Variants in ARHGAP15 observed in about 807,000 individuals in gnomAD.
The protein encoded by ARHGAP15 is Rho GTPase activating protein 15.
A neutral mutation model predicts 63.7 loss-of-function variants in ARHGAP15; 51 were observed. The observed-to-expected ratio is 0.80, with a 90% confidence interval of 0.64 to 1.01. The LOEUF is 1.01. Among genes scored for constraint, ARHGAP15 ranks in the 50% least tolerant of loss-of-function variants. The probability of loss-of-function intolerance (pLI) is 0.00; values close to 1 mark genes in which losing one functional copy is unlikely to be tolerated. For missense variants in ARHGAP15, 560 were observed against 564.6 expected (o/e 0.99, Z 0.08); for synonymous variants, 191 against 193.8 (o/e 0.99, Z 0.12).
At chr2:143,378,230 G>C (rs1686899611) in intron 6 of ARHGAP15, among the ~76,000 whole-genome samples, 1 of 151,964 alleles carries the variant, frequency 6.6e-6, no homozygotes, top group Non-Finnish European at 1.5e-5. Context: ...CAATTTCTAA[G>C]ATCTTTTAGA....
intron 6 of ARHGAP15, among the ~76,000 whole-genome samples, chr2:143,261,915 A>G (rs535614788): frequency 6.6e-6 from 1 of 152,242 alleles, no homozygotes; most frequent in South Asian, 2.1e-4. Context: ...AAGGATAGAC[A>G]AGATGAAGCA....
chr2:143,293,451 A>G (rs1418736867), intron 6 of ARHGAP15, among the ~76,000 whole-genome samples: 2 of 152,142 alleles, frequency 1.3e-5, no homozygotes, highest in South Asian at 2.1e-4. Flanking sequence ...ATTTAGACAC[A>G]TGGTCTGCAC....
At chr2:143,146,899 C>G (rs1689614364) in intron 1 of ARHGAP15, among the ~76,000 whole-genome samples, 1 of 151,984 alleles carries the variant, frequency 6.6e-6, no homozygotes, top group Admixed American at 6.6e-5. Context: ...CAAATGTCAA[C>G]CATATCTGAC....
At chr2:143,730,321 G>A (rs1199718140) in intron 13 of ARHGAP15, among the ~76,000 whole-genome samples, 2 of 152,200 alleles carry the variant, frequency 1.3e-5, no homozygotes, top group Admixed American at 1.3e-4. Context: ...GACACACACT[G>A]TAATCGTATG....
chr2:143,233,178 G>A (rs555200561), intron 5 of ARHGAP15, among the ~76,000 whole-genome samples: 2 of 151,562 alleles, frequency 1.3e-5, no homozygotes, highest in Non-Finnish European at 2.9e-5. Context: ...CCTAATATTT[G>A]CCACATTCTT....
At position 143,155,332 on chromosome 2, in the gene ARHGAP15, C is replaced by G. The variant is rs573591384; in HGVS notation, c.-14-145C>G. On this transcript the variant is annotated intron_variant, in intron 1 of 13. Transcript: ENST00000295095. ...ACTGACAAAATAACTTACAAAGGAA[C>G]TACTTTTTTCTTCACTAGTCAGAGA... 71 of 699,364 alleles carry G rather than the reference C, an allele frequency of 1.0e-4. No individual in the cohort carries two copies. In the Admixed American group the frequency reaches 1.9e-3, roughly 19 times the overall value. 43.3% of individuals were successfully genotyped at this position (699,364 alleles called of 1,614,324 possible).
chr2:143,191,948 G>A (rs776555897), intron 2 of ARHGAP15, among the ~76,000 whole-genome samples: 8 of 152,164 alleles, frequency 5.3e-5, no homozygotes, highest in Middle Eastern at 3.4e-3. Context: ...CTTATAAACC[G>A]TATGTTCTTA....
intron 8 of ARHGAP15, among the ~76,000 whole-genome samples, chr2:143,466,612 G>A (rs749594997): frequency 6.6e-6 from 1 of 152,098 alleles, no homozygotes; most frequent in Non-Finnish European, 1.5e-5. Flanking sequence ...GTAATTGAGA[G>A]GAGCTATTCT....
At chr2:143,359,268 G>T (rs1029796845) in intron 6 of ARHGAP15, among the ~76,000 whole-genome samples, 4 of 152,084 alleles carry the variant, frequency 2.6e-5, no homozygotes, top group African/African-American at 9.7e-5. Context: ...TTGACTTTGA[G>T]GGAATTTCTT....
chr2:143,377,559 AT>A (rs889614275), intron 6 of ARHGAP15, among the ~76,000 whole-genome samples: 6 of 151,214 alleles, frequency 4.0e-5, no homozygotes, highest in South Asian at 2.1e-4. Context: ...TTTGTTTCCT[AT>A]TTTTTTTCAC....
At chr2:143,751,028 C>T (rs562267804) in intron 13 of ARHGAP15, among the ~76,000 whole-genome samples, 43 of 152,326 alleles carry the variant, frequency 2.8e-4, no homozygotes, top group African/African-American at 9.1e-4. Context: ...TCTATTGGAA[C>T]TTCTCTGACT....
chr2:143,327,470 G>A (rs1429357454), intron 6 of ARHGAP15, among the ~76,000 whole-genome samples: 1 of 152,116 alleles, frequency 6.6e-6, no homozygotes, highest in South Asian at 2.1e-4. Flanking sequence ...TAAAGCCGGA[G>A]GCATCACACT....
chr2:143,730,556 G>T (rs1685481620), intron 13 of ARHGAP15, among the ~76,000 whole-genome samples: 1 of 152,130 alleles, frequency 6.6e-6, no homozygotes, highest in Admixed American at 6.6e-5. Context: ...AAGCCACTTA[G>T]GAAGTTGCTG....
chr2:143,542,257 T>C (rs371707254), intron 10 of ARHGAP15, among the ~76,000 whole-genome samples: 1 of 152,140 alleles, frequency 6.6e-6, no homozygotes, highest in African/African-American at 2.4e-5. Flanking sequence ...GTGACCCGAT[T>C]TCCCAGGTGC....
chr2:143,322,108 T>C (rs1684050040), intron 6 of ARHGAP15, among the ~76,000 whole-genome samples: 1 of 152,220 alleles, frequency 6.6e-6, no homozygotes, highest in Non-Finnish European at 1.5e-5. Flanking sequence ...CCAGTGTTCT[T>C]TATTTCTACT....
chr2:143,430,731 A>C (rs1410168592), intron 6 of ARHGAP15, among the ~76,000 whole-genome samples: 3 of 152,070 alleles, frequency 2.0e-5, no homozygotes, highest in African/African-American at 7.2e-5. Flanking sequence ...ACTTAATTTA[A>C]CTCAAATATA....
At chr2:143,528,924 G>T (rs769533193) in intron 10 of ARHGAP15, among the ~76,000 whole-genome samples, 70 of 152,118 alleles carry the variant, frequency 4.6e-4, no homozygotes, top group Admixed American at 1.2e-3. Context: ...ATTTCCTCTG[G>T]ATTTAATTAT....
rs1012849896 is a variant in ARHGAP15, at chr2:143,664,365, C to T, written c.1139-39054C>T. Among the ~76,000 whole-genome samples the T allele has an allele frequency of 1.0e-3, 154 of 151,604 alleles. 1 individual carries two copies. Among genetic ancestry groups the T allele is most frequent in the Non-Finnish European group, 4.0e-4 (27 of 67,810 alleles). On this transcript the variant is annotated intron_variant, in intron 12 of 13. Coordinates refer to ENST00000295095, the MANE Select transcript of ARHGAP15 (RefSeq NM_018460.4). ...GCAGAAATAAAGATGTTCTTTGAAA[C>T]CAACGAGAACAAAGACACAACATAC...
At chr2:143,696,704 G>A (rs1683862861) in intron 12 of ARHGAP15, among the ~76,000 whole-genome samples, 1 of 152,122 alleles carries the variant, frequency 6.6e-6, no homozygotes, top group African/African-American at 2.4e-5. Flanking sequence ...CTTCCTAAGA[G>A]GGCTTGTTTA....
Sources: gnomAD v4.1 joint callset for allele counts (sites outside exome capture counted in the v4.1 genomes callset) on GRCh38, gnomAD v4.1.1 for gene constraint, MANE v1.5 for transcripts, NCBI Gene and HGNC (gene_info 2026-07-23, HGNC 2026-07-21) for gene names.